CDKN3: variants seen among roughly 807,000 people sequenced by gnomAD.
The protein encoded by CDKN3 is cyclin-dependent kinase inhibitor 3.
A neutral mutation model predicts 36.1 loss-of-function variants in CDKN3; 19 were observed. That is an observed-to-expected ratio of 0.53 (90% CI 0.37 to 0.77). The LOEUF (loss-of-function observed/expected upper bound fraction) is 0.77. CDKN3 is among the 30% of genes least tolerant of loss of function. The pLI, the probability that CDKN3 is intolerant of heterozygous loss-of-function variation, is 0.00. For missense variants in CDKN3, 188 were observed against 248.6 expected (o/e 0.76, Z 1.64); for synonymous variants, 71 against 85.3 (o/e 0.83, Z 0.92).
intron 1 of CDKN3, among the ~76,000 whole-genome samples, chr14:54,399,310 T>G (rs566962602): frequency 6.6e-6 from 1 of 152,160 alleles, no homozygotes; most frequent in African/African-American, 2.4e-5. Context: ...TAAAACCTGC[T>G]CTTCCTTCAA....
At chr14:54,408,548 A>C in intron 3 of CDKN3, 197 bp from the exon 4 acceptor site, 2 of 610,494 alleles carry the variant, frequency 3.3e-6, no homozygotes, top group South Asian at 4.5e-5. Flanking sequence ...CACAGAATAC[A>C]GAATCCTTGC....
At chr14:54,410,638 G>A (rs534817164) in intron 4 of CDKN3, among the ~76,000 whole-genome samples, 2 of 152,284 alleles carry the variant, frequency 1.3e-5, no homozygotes, top group African/African-American at 2.4e-5. Flanking sequence ...ATGTGTTACA[G>A]TGCAGATATG....
intron 3 of CDKN3, among the ~76,000 whole-genome samples, chr14:54,404,970 T>C (rs1322827169): frequency 6.6e-6 from 1 of 152,218 alleles, no homozygotes; most frequent in Non-Finnish European, 1.5e-5. Context: ...AGGGTGTCAA[T>C]TTTAGATCTT....
At chr14:54,412,726 C>G in intron 5 of CDKN3, 2 of 355,034 alleles carry the variant, frequency 5.6e-6, no homozygotes, top group South Asian at 2.1e-5. Context: ...GATGCTCTGC[C>G]GGAAGTGAAA....
At chr14:54,408,873 GT>G (rs4251625) in intron 4 of CDKN3, 84 bp downstream of exon 4, 643,900 of 1,413,220 alleles carry the variant, frequency 0.46, 151,721 homozygotes, top group Non-Finnish European at 0.49. Flanking sequence ...GAACAAATCA[GT>G]TTTTTTTTAA....
At chr14:54,410,591 T>C (rs558376010) in intron 4 of CDKN3, among the ~76,000 whole-genome samples, 1 of 152,316 alleles carries the variant, frequency 6.6e-6, no homozygotes, top group East Asian at 1.9e-4. Context: ...ATGTTTTATT[T>C]ACTGGCGACC....
At chr14:54,418,958 A>AGAC (rs987737206) in intron 7 of CDKN3, among the ~76,000 whole-genome samples, 8 of 152,186 alleles carry the variant, frequency 5.3e-5, no homozygotes, top group African/African-American at 1.7e-4. Context: ...CAGGAGTTGG[A>AGAC]GACCAGCCTG....
At chr14:54,412,741 C>G in intron 5 of CDKN3, 18 of 373,114 alleles carry the variant, frequency 4.8e-5, no homozygotes, top group South Asian at 3.5e-4. Flanking sequence ...GTGAAACACA[C>G]AAAGCAACAG....
intron 3 of CDKN3, among the ~76,000 whole-genome samples, chr14:54,406,270 AT>A (rs1213730514): frequency 6.6e-6 from 1 of 151,552 alleles, no homozygotes; most frequent in Non-Finnish European, 1.5e-5. Flanking sequence ...TGCTCTTTAC[AT>A]TTTTTTCCTT....
rs764462512 is a variant in CDKN3 at position 54,417,870 on chromosome 14, C to T, written c.471C>T (p.Tyr157=). The T allele has an allele frequency of 1.3e-6, 2 of 1,594,918 alleles. No individual in the cohort carries two copies. The highest frequency in any genetic ancestry group is 2.3e-5 in the South Asian group (2 of 88,228). Reference sequence around the variant, plus strand: ...TAGTAGCTGCTTGTCTCCTACTATACCTGTCTGACACAATATCACCAGAGC... The same window carrying T: ...TAGTAGCTGCTTGTCTCCTACTATATCTGTCTGACACAATATCACCAGAGC... ...SCLVAACLLL[Y]LSDTISPEQA... The change falls in exon 7 of 8, where the codon TAC becomes TAT. Residue 157 remains tyrosine (Y), a synonymous_variant. Transcript: ENST00000335183.
At chr14:54,401,059 G>C (rs1460807884) in intron 2 of CDKN3, among the ~76,000 whole-genome samples, 1 of 152,156 alleles carries the variant, frequency 6.6e-6, no homozygotes, top group Non-Finnish European at 1.5e-5. Flanking sequence ...ATATACCACA[G>C]GATAACATAA....
intron 7 of CDKN3, 34 bp from the exon 8 acceptor site, chr14:54,419,958 A>G: frequency 8.0e-7 from 1 of 1,251,836 alleles, no homozygotes; most frequent in Non-Finnish European, 1.2e-6. Flanking sequence ...CTAGTTTTCT[A>G]CAGTGTATTC....
chr14:54,419,529 A>C (rs562160986), intron 7 of CDKN3, among the ~76,000 whole-genome samples: 15 of 152,224 alleles, frequency 9.9e-5, no homozygotes, highest in African/African-American at 3.6e-4. Context: ...TTGTCTATGA[A>C]AATTATCCCT....
chr14:54,413,920 G>A, intron 5 of CDKN3: 1 of 954,170 alleles, frequency 1.0e-6, no homozygotes, highest in African/African-American at 1.7e-5. Flanking sequence ...GAGGATGTAA[G>A]TCCAAAATTA....
chr14:54,397,151 G>A, intron 1 of CDKN3, 74 bp downstream of exon 1: 1 of 1,395,142 alleles, frequency 7.2e-7, no homozygotes, highest in Non-Finnish European at 9.4e-7. Context: ...CCGATCCTGG[G>A]CCGGAGGGCA....
chr14:54,419,692 C>T (rs1365207826), intron 7 of CDKN3, among the ~76,000 whole-genome samples: 1 of 152,170 alleles, frequency 6.6e-6, no homozygotes, highest in African/African-American at 2.4e-5. Flanking sequence ...CCATTATGTA[C>T]TGTTTTAATC....
At chr14:54,419,731 A>T (rs919785951) in intron 7 of CDKN3, among the ~76,000 whole-genome samples, 2 of 152,232 alleles carry the variant, frequency 1.3e-5, no homozygotes, top group Non-Finnish European at 2.9e-5. Flanking sequence ...AAAGAGAGAA[A>T]GAATTTTAGA....
intron 2 of CDKN3, 89 bp downstream of exon 2, chr14:54,400,065 G>A (rs2139965298): frequency 1.4e-6 from 1 of 724,740 alleles, no homozygotes; most frequent in African/African-American, 1.8e-5. Flanking sequence ...TTAGTAGAAT[G>A]TAGTTCACAT....
At chr14:54,409,603 C>T (rs531497378) in intron 4 of CDKN3, among the ~76,000 whole-genome samples, 3 of 151,960 alleles carry the variant, frequency 2.0e-5, no homozygotes, top group African/African-American at 4.8e-5. Flanking sequence ...TAGGCCGAGG[C>T]GGGTTGATCG....
Sources: gnomAD v4.1 joint callset for allele counts (sites outside exome capture counted in the v4.1 genomes callset) on GRCh38, gnomAD v4.1.1 for gene constraint, MANE v1.5 for transcripts, NCBI Gene and HGNC (gene_info 2026-07-23, HGNC 2026-07-21) for gene names.